Variants in CHERP observed in about 807,000 individuals in gnomAD.
CHERP encodes calcium homeostasis endoplasmic reticulum protein, also known as ERPROT 213-21.
Under a neutral mutation model 113.8 loss-of-function variants are expected in CHERP, and 8 were observed. That is an observed-to-expected ratio of 0.07 (90% confidence interval 0.04 to 0.13). The LOEUF (loss-of-function observed/expected upper bound fraction) is 0.13. CHERP is among the 10% of genes least tolerant of loss of function. The pLI is 1.00. For synonymous variants in CHERP, 559 were observed against 524.5 expected (o/e 1.07, Z -0.90); for missense variants, 884 against 1,298.2 (o/e 0.68, Z 4.90).
chr19:16,524,555 C>CAAAA (rs112007487), intron 10 of CHERP, among the ~76,000 whole-genome samples: 20 of 133,628 alleles, frequency 1.5e-4, no homozygotes, highest in South Asian at 7.3e-4. Flanking sequence ...GACTCTGTCT[C>CAAAA]AAAAAAAAAA....
intron 2 of CHERP, among the ~76,000 whole-genome samples, chr19:16,537,339 G>A (rs1303527631): frequency 5.3e-5 from 8 of 151,934 alleles, no homozygotes; most frequent in East Asian, 1.9e-4. Context: ...TGGGGTGCGC[G>A]GCCTGTGTTC....
chr19:16,530,914 C>A lies in CHERP; in HGVS notation c.675-34G>T. On this transcript the variant is annotated intron_variant, in intron 5 of 16. Coordinates refer to ENST00000546361, the MANE Select transcript of CHERP (RefSeq NM_006387.6). This position sits in a 1 kb window ranked among gnomAD's most constrained non-coding sequence, Gnocchi z 4.1. ...GAGAGACTTTCCGCGCGTCAGGGCC[C>A]TGGGGCGGGACCCGGCCACGCGCCC... The A allele has an allele frequency of 6.2e-7, 1 of 1,605,188 alleles. No individual in the cohort carries two copies. The highest frequency in any genetic ancestry group is 8.5e-7 in the Non-Finnish European group (1 of 1,176,792).
chr19:16,536,412 C>A (rs11880814), intron 2 of CHERP, among the ~76,000 whole-genome samples: 3,593 of 152,270 alleles, frequency 0.024, 119 homozygotes, highest in Admixed American at 0.082. Flanking sequence ...CTTGGGGCCG[C>A]CTGGTCTAAA....
rs1322477531 is a variant in CHERP at position 16,519,861 on chromosome 19, T to C, written c.2463-146A>G. 8 of 766,942 alleles carry C rather than the reference T, an allele frequency of 1.0e-5. No homozygotes were observed. The Admixed American group carries it at 1.3e-4, about 12-fold the overall frequency. The allele number at this position is 766,942 out of a possible 1,614,324, so 47.5% of individuals were successfully genotyped here. A position where few individuals can be genotyped will look rare whatever the true frequency, so the allele number is the denominator to read the frequency against. The stretch of plus-strand genomic sequence containing the variant: ...TGCAGATTTTGCGTCTCTACCCGTT[T>C]ATCCTGTCTCAGCTAGATAAGGGGG... On this transcript the variant is annotated intron_variant, in intron 15 of 16. Transcript: ENST00000546361. The surrounding 1 kb of genome is among the most constrained non-coding windows in gnomAD (Gnocchi z 6.0).
chr19:16,519,416 G>A lies in CHERP; in HGVS notation c.2558-64C>T, dbSNP rs1665238655. ...AGGCAGATGGGGGTGCACGTGGGGGGCTGAATGTCCAGACAGGCAGTGTAG... is the reference window on the plus strand; with the variant it reads ...AGGCAGATGGGGGTGCACGTGGGGGACTGAATGTCCAGACAGGCAGTGTAG... On this transcript the variant is annotated intron_variant, in intron 16 of 16. Transcript: ENST00000546361. The surrounding 1 kb of genome is among the most constrained non-coding windows in gnomAD (Gnocchi z 6.0). 5 of 1,514,492 alleles carry A rather than the reference G, an allele frequency of 3.3e-6. No individual in the cohort carries two copies. The East Asian group carries it at 6.8e-5, about 21-fold the overall frequency. The allele number at this position is 1,514,492 out of a possible 1,614,324, so 93.8% of individuals were successfully genotyped here. A position where few individuals can be genotyped will look rare whatever the true frequency, so the allele number is the denominator to read the frequency against.
intron 7 of CHERP, 83 bp from the exon 8 acceptor site, chr19:16,529,983 C>T: frequency 6.6e-7 from 1 of 1,511,358 alleles, no homozygotes; most frequent in South Asian, 1.2e-5. Flanking sequence ...GCCTGGAAAG[C>T]AGCAGAGCCT....
At chr19:16,534,258 G>A (rs1263402145) in intron 3 of CHERP, among the ~76,000 whole-genome samples, 2 of 151,886 alleles carry the variant, frequency 1.3e-5, no homozygotes, top group Non-Finnish European at 2.9e-5. Context: ...CACCATATTG[G>A]CCATGCTGGT....
At chr19:16,534,474 TTTTA>T (rs1456787564) in intron 3 of CHERP, among the ~76,000 whole-genome samples, 4 of 152,094 alleles carry the variant, frequency 2.6e-5, no homozygotes, top group South Asian at 4.1e-4. Context: ...ACTTGTAGTA[TTTTA>T]TTTATTTATT....
At chr19:16,542,104 T>C in intron 1 of CHERP, 61 bp from the exon 2 acceptor site, 2 of 1,531,796 alleles carry the variant, frequency 1.3e-6, no homozygotes, top group South Asian at 2.5e-5. Context: ...GCCGGGGGAC[T>C]CGGCGCCCCA....
rs779218876 is a variant in CHERP at position 16,532,545 on chromosome 19, T to A, written c.674+53A>T. 6.6e-7 allele frequency: 1 copy of A among 1,506,354 alleles called. No homozygotes were observed. Among genetic ancestry groups the A allele is most frequent in the Non-Finnish European group, 8.9e-7 (1 of 1,125,052 alleles). The allele number at this position is 1,506,354 out of a possible 1,614,324, so 93.3% of individuals were successfully genotyped here. On this transcript the variant is annotated intron_variant, in intron 5 of 16. Coordinates refer to ENST00000546361, the MANE Select transcript of CHERP (RefSeq NM_006387.6). This position sits in a 1 kb window ranked among gnomAD's most constrained non-coding sequence, Gnocchi z 4.4. ...CGGAGCAAGCGGCCACCCAGGAGGG[T>A]TGAGGAGGAGCGCGAGGAAGTGGCG...
In CHERP at chr19:16,525,783, G is replaced by A. The variant is rs1242925709; in HGVS notation, c.1306-106C>T. ...CAGCGCTGGCTCAGACCATGGAGGCGCTGCCCTGGCCACGTTGAGGCGCCT... is the reference window on the plus strand; with the variant it reads ...CAGCGCTGGCTCAGACCATGGAGGCACTGCCCTGGCCACGTTGAGGCGCCT... On this transcript the variant is annotated intron_variant, in intron 9 of 16. Transcript: ENST00000546361. This position sits in a 1 kb window ranked among gnomAD's most constrained non-coding sequence, Gnocchi z 6.5. 6 of 1,108,780 alleles carry A rather than the reference G, an allele frequency of 5.4e-6. No homozygotes were observed. The highest frequency in any genetic ancestry group is 6.1e-6 in the Non-Finnish European group (5 of 820,090). The allele number at this position is 1,108,780 out of a possible 1,614,324, so 68.7% of individuals were successfully genotyped here.
Position 16,523,110 on chromosome 19 carries a change from A to T in CHERP, c.1922T>A (p.Leu641Gln). Residue 641 changes from leucine (L) to glutamine (Q), a missense_variant, in exon 11 of 17, where the codon CTG (leucine) becomes CAG (glutamine). Physicochemically the swap from Leu to Gln is moderately radical, Grantham distance 113. Coordinates refer to ENST00000546361, the MANE Select transcript of CHERP (RefSeq NM_006387.6). This position sits in a 1 kb window ranked among gnomAD's most constrained non-coding sequence, Gnocchi z 4.0. Reference protein sequence around the residue: ...PPHINHDDPSLVPNVPYFDLP... With the variant: ...PPHINHDDPSQVPNVPYFDLP... The stretch of plus-strand genomic sequence containing the variant: ...ATCGAAGTAGGGCACATTGGGGACC[A>T]GGCTGGGGTCATCGTGGTTGATGTG... 1 of 1,545,620 alleles carries T rather than the reference A, an allele frequency of 6.5e-7. No homozygotes were observed. The highest frequency in any genetic ancestry group is 8.7e-7 in the Non-Finnish European group (1 of 1,148,948).
chr19:16,536,896 C>G (rs2085744748), intron 2 of CHERP, among the ~76,000 whole-genome samples: 1 of 152,192 alleles, frequency 6.6e-6, no homozygotes, highest in Admixed American at 6.6e-5. Flanking sequence ...CCTGTAATCC[C>G]AGCTACCTGA....
At chr19:16,522,932 G>A (rs1345150512) in intron 11 of CHERP, 120 bp downstream of exon 11, 10 of 1,168,120 alleles carry the variant, frequency 8.6e-6, no homozygotes, top group Non-Finnish European at 1.2e-5. Flanking sequence ...GGTCCCTAGG[G>A]AGTGGGAGAT....
chr19:16,523,405 T>C lies in CHERP; in HGVS notation c.1742-115A>G, dbSNP rs1401147642. 2.3e-5 allele frequency: 29 copies of C among 1,236,982 alleles called. No homozygotes were observed. In the South Asian group the frequency reaches 2.9e-4, roughly 13 times the overall value. The allele number at this position is 1,236,982 out of a possible 1,614,324, so 76.6% of individuals were successfully genotyped here. On this transcript the variant is annotated intron_variant, in intron 10 of 16. Coordinates refer to ENST00000546361, the MANE Select transcript of CHERP (RefSeq NM_006387.6). This position sits in a 1 kb window ranked among gnomAD's most constrained non-coding sequence, Gnocchi z 4.0. ...AGGAGACGAACCCCTCCTGGGAGCC[T>C]GTCCAGCATCTTCTCTCACTGCTTA...
In CHERP at chr19:16,529,298, G is replaced by A. The variant is rs532199461; in HGVS notation, c.1129+350C>T. Among the ~76,000 whole-genome samples, 7 of 152,316 alleles carry A rather than the reference G, an allele frequency of 4.6e-5. No homozygotes were observed. The East Asian group carries it at 5.8e-4, about 13-fold the overall frequency. The stretch of plus-strand genomic sequence containing the variant: ...CTCCCAAAGTGCTGGGATTACAAGC[G>A]TAAGCCACCATGCCTAGCCAATTAT... On this transcript the variant is annotated intron_variant, in intron 8 of 16. Transcript: ENST00000546361.
In CHERP at chr19:16,529,643, C is replaced by T. The variant is rs1288165644; in HGVS notation, c.1129+5G>A. On this transcript the variant is annotated splice_donor_5th_base_variant and intron_variant, in intron 8 of 16. Coordinates refer to ENST00000546361, the MANE Select transcript of CHERP (RefSeq NM_006387.6). ...GGGGCAGGCTGAGCTGAGGGAGCCC[C>T]GTACCAGGCTGGGTGGTGGGCGGGA... The T allele has an allele frequency of 2.3e-5, 36 of 1,538,982 alleles. No individual in the cohort carries two copies. Among genetic ancestry groups the T allele is most frequent in the Non-Finnish European group, 2.5e-5 (29 of 1,146,082 alleles).
In CHERP at chr19:16,535,435, A is replaced by G. The variant is rs371407429; in HGVS notation, c.384+17T>C. 3.7e-6 allele frequency: 6 copies of G among 1,603,916 alleles called. No individual in the cohort carries two copies. In the African/African-American group the frequency reaches 8.0e-5, roughly 21 times the overall value. On this transcript the variant is annotated intron_variant, in intron 3 of 16. Transcript: ENST00000546361. The surrounding 1 kb of genome is among the most constrained non-coding windows in gnomAD (Gnocchi z 4.3). The stretch of plus-strand genomic sequence containing the variant: ...GGGAGCTGCTGGTGTCTGGCCGAGG[A>G]GGCGGCGGGCCCATACCTGTCTGAG...
At position 16,528,290 on chromosome 19, in the gene CHERP, G is replaced by C. The variant is rs1332456570; in HGVS notation, c.1130-35C>G. The C allele has an allele frequency of 3.9e-6, 6 of 1,530,664 alleles. No individual in the cohort carries two copies. In the African/African-American group the frequency reaches 5.6e-5, roughly 14 times the overall value. The allele number at this position is 1,530,664 out of a possible 1,614,324, so 94.8% of individuals were successfully genotyped here. Reference sequence around the variant, plus strand: ...AGTGACAGGCAGTTAGAGCAGGCCTGGCAGCAGGAGGCGCTGTCTCCTCTC... The same window carrying C: ...AGTGACAGGCAGTTAGAGCAGGCCTCGCAGCAGGAGGCGCTGTCTCCTCTC... On this transcript the variant is annotated intron_variant, in intron 8 of 16. Transcript: ENST00000546361.
Sources: allele counts gnomAD v4.1 joint callset (sites outside exome capture counted in the v4.1 genomes callset), GRCh38; gene constraint gnomAD v4.1.1; non-coding constraint Gnocchi (gnomAD v3.1); transcripts MANE v1.5; gene names NCBI Gene and HGNC (gene_info 2026-07-23, HGNC 2026-07-21).